The following ATP8A2 variants were observed in gnomAD, a reference collection of about 807,000 sequenced individuals.
ATP8A2 encodes phospholipid-transporting ATPase IB.
ATP8A2 carries 100 observed loss-of-function variants against 165.6 expected under a neutral mutation model. The observed-to-expected ratio is 0.60, with a 90% CI of 0.51 to 0.71. ATP8A2 has a LOEUF of 0.71. Among genes scored for constraint, ATP8A2 ranks in the 30% least tolerant of loss-of-function variants. The pLI is 0.00. For missense variants in ATP8A2, 1,227 were observed against 1,479.5 expected, an observed-to-expected ratio of 0.83 and a Z score of 2.80; for synonymous variants, 543 against 548.8, an observed-to-expected ratio of 0.99 and a Z score of 0.15.
intron 33 of ATP8A2, among the ~76,000 whole-genome samples, chr13:25,880,377 C>CA (rs10641772): frequency 0.28 from 25,713 of 91,724 alleles, 2,416 homozygotes; most frequent in East Asian, 0.36. Flanking sequence ...TCAGGAACAA[C>CA]AAAAAAAAAA....
intron 2 of ATP8A2, among the ~76,000 whole-genome samples, chr13:25,494,183 CAT>C (rs2036606434): frequency 6.6e-6 from 1 of 152,106 alleles, no homozygotes; most frequent in Admixed American, 6.5e-5. Flanking sequence ...TCAGAAAACA[CAT>C]GTGGGTCAAT....
rs912717711 is a variant in ATP8A2 at position 25,764,882 on chromosome 13, C to T, written c.2385-4164C>T. 3.3e-5 allele frequency among the ~76,000 whole-genome samples: 5 copies of T among 152,150 alleles called. No homozygotes were observed. The South Asian group carries it at 6.2e-4, about 19-fold the overall frequency. ...TACAAATCTACAATCGAGATCCAGC[C>T]CCTCTTTGACAACCAGGCAGGTAAG... On this transcript the variant is annotated intron_variant, in intron 25 of 36. Transcript: ENST00000381655.
At chr13:26,014,853 A>G in intron 36 of ATP8A2, among the ~76,000 whole-genome samples, 1 of 152,160 alleles carries the variant, frequency 6.6e-6, no homozygotes. Flanking sequence ...AATTTTAATG[A>G]TATACATCTT....
At chr13:25,912,856 T>G (rs17686603) in intron 33 of ATP8A2, among the ~76,000 whole-genome samples, 10,185 of 152,200 alleles carry the variant, frequency 0.067, 501 homozygotes, top group East Asian at 0.21. Flanking sequence ...GAGCTTCATT[T>G]TGTGGTTATG....
intron 16 of ATP8A2, chr13:25,567,118 T>TCTA (rs1340325300): frequency 4.5e-5 from 14 of 313,448 alleles, no homozygotes; most frequent in African/African-American, 2.8e-4. Context: ...TTCTAGTGTT[T>TCTA]GAAAGATTTC....
chr13:25,549,992 G>T (rs541302538), intron 10 of ATP8A2, among the ~76,000 whole-genome samples: 1 of 152,150 alleles, frequency 6.6e-6, no homozygotes, highest in East Asian at 1.9e-4. Flanking sequence ...CATCCGCAAA[G>T]TCCCTTTTGC....
chr13:25,430,997 C>G (rs2034593867), intron 1 of ATP8A2, among the ~76,000 whole-genome samples: 1 of 151,050 alleles, frequency 6.6e-6, no homozygotes, highest in Non-Finnish European at 1.5e-5. Flanking sequence ...CTTCCTAAAA[C>G]ACACACACAC....
intron 35 of ATP8A2, among the ~76,000 whole-genome samples, chr13:25,992,677 G>GTT (rs34947450): frequency 0.018 from 2,700 of 147,134 alleles, 81 homozygotes; most frequent in African/African-American, 0.059. Flanking sequence ...AAGTTGTATA[G>GTT]TTTTTTTTTT....
Position 26,024,497 on chromosome 13 carries a change from C to T in ATP8A2, c.*4512C>T, listed in dbSNP as rs1039343802. The T allele has an allele frequency of 1.3e-5, 2 of 152,190 alleles. No individual in the cohort carries two copies. Among genetic ancestry groups the T allele is most frequent in the African/African-American group, 2.4e-5 (1 of 41,410 alleles). The allele number at this position is 152,190 out of a possible 1,614,324, so 9.4% of individuals were successfully genotyped here. ...GAGTGAGGAGAAAAGGGCATTGAGC[C>T]AGCATAAATCTGAATGGGCAGAAGC... On this transcript the variant is annotated 3_prime_UTR_variant, in exon 37 of 37. Coordinates refer to ENST00000381655, the MANE Select transcript of ATP8A2 (RefSeq NM_016529.6).
At chr13:25,936,077 A>G (rs910262292) in intron 33 of ATP8A2, among the ~76,000 whole-genome samples, 2 of 152,222 alleles carry the variant, frequency 1.3e-5, no homozygotes, top group African/African-American at 4.8e-5. Flanking sequence ...TCATTCATCA[A>G]GTACCCAGAG....
At chr13:25,733,527 CT>C (rs1555257286) in intron 25 of ATP8A2, among the ~76,000 whole-genome samples, 3 of 42,532 alleles carry the variant, frequency 7.1e-5, no homozygotes, top group African/African-American at 2.4e-4. Flanking sequence ...TACTGGGAAC[CT>C]CTGTCATTAG....
intron 35 of ATP8A2, among the ~76,000 whole-genome samples, chr13:26,001,657 A>G (rs1461788974): frequency 6.6e-6 from 1 of 152,036 alleles, no homozygotes; most frequent in Non-Finnish European, 1.5e-5. Context: ...CTTTTTGGCT[A>G]TTGTGTATTT....
chr13:25,678,985 T>C (rs2042428612), intron 24 of ATP8A2, among the ~76,000 whole-genome samples: 1 of 152,040 alleles, frequency 6.6e-6, no homozygotes, highest in Non-Finnish European at 1.5e-5. Context: ...TCACTGTGAG[T>C]TAATGACAAC....
intron 33 of ATP8A2, among the ~76,000 whole-genome samples, chr13:25,893,382 A>G (rs1257756967): frequency 6.6e-6 from 1 of 151,722 alleles, no homozygotes; most frequent in Non-Finnish European, 1.5e-5. Flanking sequence ...ACATGAACTC[A>G]TCATTTTTTA....
Position 25,504,421 on chromosome 13 carries a change from C to CT in ATP8A2, c.222-25557dup, listed in dbSNP as rs577817952. ...ATAATTTTTAAAAATCTTTCCTTTC[C>CT]TTTTTTTTTTTTTTTTTTTTTAAAA... On this transcript the variant is annotated intron_variant, in intron 2 of 36. Transcript: ENST00000381655. 9.1e-3 allele frequency among the ~76,000 whole-genome samples: 1,130 copies of CT among 124,160 alleles called. 4 individuals are homozygous for CT. The highest frequency in any genetic ancestry group is 0.017 in the Middle Eastern group (4 of 232). 81.5% of individuals were successfully genotyped at this position (124,160 alleles called of 152,430 possible).
intron 25 of ATP8A2, among the ~76,000 whole-genome samples, chr13:25,721,037 C>G (rs1207992371): frequency 6.7e-6 from 1 of 149,984 alleles, no homozygotes; most frequent in African/African-American, 2.5e-5. Flanking sequence ...GCAATCTGTA[C>G]CTCGAACTCC....
intron 2 of ATP8A2, among the ~76,000 whole-genome samples, chr13:25,528,011 G>T (rs1361243499): frequency 6.6e-6 from 1 of 152,174 alleles, no homozygotes; most frequent in Non-Finnish European, 1.5e-5. Flanking sequence ...GGTCAGGATT[G>T]CTGTAGAGGT....
At chr13:25,835,978 T>A (rs547580542) in intron 28 of ATP8A2, among the ~76,000 whole-genome samples, 3 of 152,302 alleles carry the variant, frequency 2.0e-5, no homozygotes, top group Admixed American at 6.5e-5. Flanking sequence ...TCCGATGAGC[T>A]GAGCAGAGGA....
chr13:25,442,704 A>T (rs2034965551), intron 1 of ATP8A2, among the ~76,000 whole-genome samples: 1 of 152,118 alleles, frequency 6.6e-6, no homozygotes, highest in South Asian at 2.1e-4. Flanking sequence ...GTGAGGTGGT[A>T]TCTCATTGTA....
Sources: allele counts gnomAD v4.1 joint callset (sites outside exome capture counted in the v4.1 genomes callset), GRCh38; gene constraint gnomAD v4.1.1; transcripts MANE v1.5; gene names NCBI Gene and HGNC (gene_info 2026-07-23, HGNC 2026-07-21).